Variants in DCST1 observed in about 807,000 individuals in gnomAD.
DCST1 encodes DC-STAMP domain containing 1.
In DCST1, 78 loss-of-function variants were observed where a neutral mutation model predicts 89.1. That is an observed-to-expected ratio of 0.88 (90% confidence interval 0.73 to 1.06). The LOEUF (loss-of-function observed/expected upper bound fraction) is 1.06. Among genes scored for constraint, DCST1 ranks in the 50% least tolerant of loss-of-function variants. The pLI is 0.00. For missense variants in DCST1, 900 were observed against 928.6 expected, an observed-to-expected ratio of 0.97 and a Z score of 0.40; for synonymous variants, 364 against 371.9, an observed-to-expected ratio of 0.98 and a Z score of 0.24.
chr1:155,048,760 G>A (rs527803074), intron 16 of DCST1, among the ~76,000 whole-genome samples: 1 of 149,806 alleles, frequency 6.7e-6, no homozygotes, highest in African/African-American at 2.6e-5. Flanking sequence ...ATTTAATACA[G>A]TCTGCTCATA....
intron 4 of DCST1, among the ~76,000 whole-genome samples, chr1:155,038,200 G>T (rs1398293876): frequency 6.6e-6 from 1 of 152,242 alleles, no homozygotes; most frequent in Non-Finnish European, 1.5e-5. Flanking sequence ...AGCTTGGCTT[G>T]TCCAAGGAGC....
intron 4 of DCST1, among the ~76,000 whole-genome samples, chr1:155,036,121 G>C (rs1415384647): frequency 6.7e-6 from 1 of 149,320 alleles, no homozygotes; most frequent in Non-Finnish European, 1.5e-5. Flanking sequence ...AGGGAAACTT[G>C]CCTATAATCC....
In DCST1 at chr1:155,034,085, C is replaced by G; in HGVS notation, c.49C>G (p.Gln17Glu). Residue 17 changes from glutamine to glutamate, a missense_variant, in exon 2 of 17, where the codon CAG becomes GAG. Physicochemically the swap from Gln to Glu is conservative, Grantham distance 29. Transcript: ENST00000295542. ...TGGCACAAGAGGGCAAAGAAGAAAACAGCCTCATACCAGTGAGTCACTCAG... is the reference window on the plus strand; with the variant it reads ...TGGCACAAGAGGGCAAAGAAGAAAAGAGCCTCATACCAGTGAGTCACTCAG... The part of the protein sequence containing the change: ...QNGTRGQRRK[Q>E]PHTTVQRLLT... The G allele has an allele frequency of 6.2e-7, 1 of 1,614,134 alleles. No homozygotes were observed. The highest frequency in any genetic ancestry group is 8.5e-7 in the Non-Finnish European group (1 of 1,180,014).
intron 4 of DCST1, 48 bp downstream of exon 4, chr1:155,034,775 C>T (rs747009978): frequency 1.9e-6 from 3 of 1,600,322 alleles, no homozygotes; most frequent in African/African-American, 2.7e-5. Context: ...CTGTGGAACA[C>T]AGCGCCGTCC....
chr1:155,050,709 G>C lies in DCST1; in HGVS notation c.1962G>C (p.Thr654=). ...GCGTGGTGTGCCAGGCACCCGAGAC[G>C]CCCGAGTCCTACGTGTGCCGGACGC... is the stretch of plus-strand genomic sequence containing the variant. The part of the protein sequence containing the change: ...RRCVVCQAPE[T]PESYVCRTLD... The change falls in exon 17 of 17, where the codon ACG becomes ACC. Residue 654 remains threonine, a synonymous_variant. Transcript: ENST00000295542. The C allele has an allele frequency of 6.2e-7, 1 of 1,607,890 alleles. No homozygotes were observed. The highest frequency in any genetic ancestry group is 1.1e-5 in the South Asian group (1 of 90,292).
At position 155,048,070 on chromosome 1, in the gene DCST1, G is replaced by A. The variant is rs755814237; in HGVS notation, c.1769G>A (p.Arg590Gln). ...TCCTGCCCCCAGCGAGAGAAGAAGC[G>A]GATCCTGTTCCTCTACAATGACCTA... ...AFYFPKREKK[R>Q]ILFLYNDLLK... is the part of the protein sequence containing the mutation. Residue 590 changes from arginine to glutamine, a missense_variant, in exon 16 of 17, where the codon CGG becomes CAG. Arg to Gln is a conservative substitution (Grantham distance 43). Transcript: ENST00000295542. 37 of 1,613,760 alleles carry A rather than the reference G, an allele frequency of 2.3e-5. No individual in the cohort carries two copies. The highest frequency in any genetic ancestry group is 4.5e-5 in the East Asian group (2 of 44,872).
chr1:155,048,251 C>G, intron 16 of DCST1, 81 bp downstream of exon 16: 1 of 1,121,032 alleles, frequency 8.9e-7, no homozygotes, highest in Non-Finnish European at 1.3e-6. Flanking sequence ...CTTCAGTCCA[C>G]CCAGCACCCA....
Position 155,050,873 on chromosome 1 carries a change from GCGTC to G in DCST1, c.*7_*10del. 1 of 1,607,398 alleles carries G rather than the reference GCGTC, an allele frequency of 6.2e-7. No homozygotes were observed. The highest frequency in any genetic ancestry group is 8.5e-7 in the Non-Finnish European group (1 of 1,175,114). ...GACACTGCCTACGCGGGGTGAAGAG[GCGTC>G]CTGCTCGCTCTTCCGCACCGTCCTT... On this transcript the variant is annotated 3_prime_UTR_variant, in exon 17 of 17. Transcript: ENST00000295542.
At chr1:155,034,359 C>T (rs775879877) in intron 2 of DCST1, 76 bp from the exon 3 acceptor site, 2 of 1,610,584 alleles carry the variant, frequency 1.2e-6, no homozygotes, top group Admixed American at 3.3e-5. Flanking sequence ...CTCTATCCAC[C>T]TGCAAGCCCT....
intron 2 of DCST1, 143 bp from the exon 3 acceptor site, chr1:155,034,292 C>G (rs758241068): frequency 1.3e-6 from 2 of 1,591,848 alleles, no homozygotes; most frequent in African/African-American, 2.7e-5. Flanking sequence ...CAGGCTCCCT[C>G]ATCCTCCTCC....
intron 2 of DCST1, 142 bp from the exon 3 acceptor site, chr1:155,034,293 A>C (rs766248789): frequency 6.3e-7 from 1 of 1,592,866 alleles, no homozygotes; most frequent in South Asian, 1.1e-5. Flanking sequence ...AGGCTCCCTC[A>C]TCCTCCTCCA....
Position 155,050,926 on chromosome 1 carries a change from C to G in DCST1, c.*58C>G. 1 of 1,574,212 alleles carries G rather than the reference C, an allele frequency of 6.4e-7. No homozygotes were observed. Among genetic ancestry groups the G allele is most frequent in the Non-Finnish European group, 8.7e-7 (1 of 1,153,876 alleles). On this transcript the variant is annotated 3_prime_UTR_variant, in exon 17 of 17. Coordinates refer to ENST00000295542, the MANE Select transcript of DCST1 (RefSeq NM_152494.4). ...TTCCCGGTTAATAAAATGCCCTGTA[C>G]GCTTCACGTGGGTCGGGGACTGGGG...
intron 8 of DCST1, 126 bp downstream of exon 8, chr1:155,041,983 T>G (rs572507291): frequency 1.5e-6 from 2 of 1,310,052 alleles, no homozygotes; most frequent in African/African-American, 2.9e-5. Context: ...CACAGCATCC[T>G]TAGAGCCCTC....
At chr1:155,038,182 G>A (rs367760933) in intron 4 of DCST1, among the ~76,000 whole-genome samples, 206 of 152,374 alleles carry the variant, frequency 1.4e-3, no homozygotes, top group African/African-American at 4.6e-3. Context: ...GACCAGAGAG[G>A]AGGAATGAGC....
intron 4 of DCST1, 138 bp downstream of exon 4, chr1:155,034,865 A>G (rs1182790684): frequency 1.1e-6 from 1 of 904,374 alleles, no homozygotes; most frequent in Non-Finnish European, 1.7e-6. Flanking sequence ...CCTGGGCTTT[A>G]CGGGGAGGTC....
Position 155,040,302 on chromosome 1 carries a change from CAA to C in DCST1, c.392-165_392-164del, listed in dbSNP as rs35215394. Among the ~76,000 whole-genome samples the C allele has an allele frequency of 1.1e-3, 64 of 59,892 alleles. 1 individual carries two copies. The highest frequency in any genetic ancestry group is 3.3e-3 in the African/African-American group (57 of 17,278). The allele number at this position is 59,892 out of a possible 152,430, so 39.3% of individuals were successfully genotyped here. Reference sequence around the variant, plus strand: ...TGGGCAACAGAGGGAGACTCCGTCTCAAAAAAAAAAAAAAAAAAACAGTGAAA... The same window carrying C: ...TGGGCAACAGAGGGAGACTCCGTCTCAAAAAAAAAAAAAAAAACAGTGAAA... On this transcript the variant is annotated intron_variant, in intron 5 of 16. Transcript: ENST00000295542.
chr1:155,041,809 C>G lies in DCST1; in HGVS notation c.844C>G (p.Leu282Val). 1 of 1,614,240 alleles carries G rather than the reference C, an allele frequency of 6.2e-7. No homozygotes were observed. Among genetic ancestry groups the G allele is most frequent in the Non-Finnish European group, 8.5e-7 (1 of 1,180,044 alleles). Residue 282 changes from leucine to valine, a missense_variant, in exon 8 of 17, where the codon CTG (leucine) becomes GTG (valine). Leu to Val is a conservative substitution (Grantham distance 32, BLOSUM62 1). Coordinates refer to ENST00000295542, the MANE Select transcript of DCST1 (RefSeq NM_152494.4). ...CATCTGGGTCCCACTCCTCACCCAC[C>G]TGCTCTGCCTGCCTATGAAGTTCAA... The part of the protein sequence containing the change: ...KHIWVPLLTH[L>V]LCLPMKFKFF...
In DCST1 at chr1:155,046,004, C is replaced by T. The variant is rs764728992; in HGVS notation, c.1272+12C>T. On this transcript the variant is annotated intron_variant, in intron 11 of 16. Coordinates refer to ENST00000295542, the MANE Select transcript of DCST1 (RefSeq NM_152494.4). ...GCAGGAAGAAGCTGGTGAGTGGGCA[C>T]GGCACTGCCCGGGGATGCCTTGCTG... The T allele has an allele frequency of 9.9e-6, 16 of 1,613,112 alleles. No individual in the cohort carries two copies. The highest frequency in any genetic ancestry group is 6.7e-5 in the African/African-American group (5 of 74,904).
Position 155,033,828 on chromosome 1 carries a change from C to T in DCST1, c.-92C>T, listed in dbSNP as rs1571555574. 1.4e-6 allele frequency: 2 copies of T among 1,430,796 alleles called. No individual in the cohort carries two copies. Among genetic ancestry groups the T allele is most frequent in the South Asian group, 1.4e-5 (1 of 73,682 alleles). 88.6% of individuals were successfully genotyped at this position (1,430,796 alleles called of 1,614,324 possible). ...TGCATATGTCTTGGAATCCTTGACC[C>T]AGTTCCGAGGACTGGAGAGGGGATA... On this transcript the variant is annotated 5_prime_UTR_variant, in exon 1 of 17. Coordinates refer to ENST00000295542, the MANE Select transcript of DCST1 (RefSeq NM_152494.4).
Sources: gnomAD v4.1 joint callset for allele counts (sites outside exome capture counted in the v4.1 genomes callset) on GRCh38, gnomAD v4.1.1 for gene constraint, MANE v1.5 for transcripts, NCBI Gene and HGNC (gene_info 2026-07-23, HGNC 2026-07-21) for gene names.